Variants in SPAST observed in about 807,000 individuals in gnomAD.
SPAST encodes the protein spastic paraplegia 4 (autosomal dominant; spastin).
Under a neutral mutation model 76.6 loss-of-function variants are expected in SPAST, and 30 were observed. The observed-to-expected ratio is 0.39, with a 90% CI of 0.29 to 0.53. The LOEUF is 0.53. SPAST is among the 20% of genes least tolerant of loss of function. The pLI, the probability that SPAST is intolerant of heterozygous loss-of-function variation, is 0.68. For missense variants in SPAST, 717 were observed against 770.5 expected (o/e 0.93, Z 0.82); for synonymous variants, 305 against 281.0 (o/e 1.09, Z -0.86).
At chr2:32,136,761 ACTAT>A (rs1679549081) in intron 10 of SPAST, 112 bp from the exon 11 acceptor site, 1 of 1,205,440 alleles carries the variant, frequency 8.3e-7, no homozygotes, top group Non-Finnish European at 1.2e-6. Context: ...AAGCTTAAAG[ACTAT>A]CTAATGAATT....
intron 4 of SPAST, among the ~76,000 whole-genome samples, chr2:32,102,964 G>A (rs1407819333): frequency 6.6e-6 from 1 of 152,208 alleles, no homozygotes; most frequent in Non-Finnish European, 1.5e-5. Flanking sequence ...TTGGTATCAG[G>A]ATGATGCTGG....
intron 1 of SPAST, among the ~76,000 whole-genome samples, chr2:32,085,613 A>G (rs1677444283): frequency 1.3e-5 from 2 of 152,176 alleles, no homozygotes; most frequent in South Asian, 4.1e-4. Context: ...CTATAACATA[A>G]GAAATTGACC....
chr2:32,114,953 T>A (rs1678770069), intron 5 of SPAST, 128 bp downstream of exon 5: 1 of 653,878 alleles, frequency 1.5e-6, no homozygotes, highest in African/African-American at 2.4e-5. Flanking sequence ...TTCCATAAAG[T>A]TAAATTTTTT....
intron 14 of SPAST, 40 bp from the exon 15 acceptor site, chr2:32,144,897 G>A: frequency 1.4e-6 from 2 of 1,448,820 alleles, no homozygotes; most frequent in Non-Finnish European, 1.9e-6. Flanking sequence ...AAAAAAGCGG[G>A]AGGGGAAATA....
intron 5 of SPAST, 132 bp downstream of exon 5, chr2:32,114,957 ATTTTTTT>A (rs11399176): frequency 4.4e-6 from 2 of 459,486 alleles, no homozygotes; most frequent in Non-Finnish European, 3.8e-6. Context: ...ATAAAGTTAA[ATTTTTTT>A]TTTTTTTTTT....
intron 4 of SPAST, among the ~76,000 whole-genome samples, chr2:32,104,858 G>C (rs1032870533): frequency 6.6e-6 from 1 of 152,132 alleles, no homozygotes; most frequent in South Asian, 2.1e-4. Flanking sequence ...TGGGTAACCC[G>C]ACCTTTCTCT....
At chr2:32,068,967 T>A (rs1260727885) in intron 1 of SPAST, among the ~76,000 whole-genome samples, 1 of 151,730 alleles carries the variant, frequency 6.6e-6, no homozygotes, top group Non-Finnish European at 1.5e-5. Context: ...CCCAGCACTT[T>A]GGGAGGCAGA....
At chr2:32,144,817 G>C (rs1451213553) in intron 14 of SPAST, 120 bp from the exon 15 acceptor site, 1 of 692,740 alleles carries the variant, frequency 1.4e-6, no homozygotes, top group East Asian at 2.9e-5. Flanking sequence ...CCAGGAGGTG[G>C]AGATCACAGT....
At chr2:32,111,410 T>C in intron 4 of SPAST, among the ~76,000 whole-genome samples, 1 of 149,222 alleles carries the variant, frequency 6.7e-6, no homozygotes, top group South Asian at 2.1e-4. Context: ...ATATATAGTA[T>C]ACTGTATAGT....
At chr2:32,126,692 G>A in intron 7 of SPAST, 1 of 329,520 alleles carries the variant, frequency 3.0e-6, no homozygotes, top group Non-Finnish European at 5.5e-6. Context: ...CCCCTATGTT[G>A]CCCAAGCTGG....
chr2:32,137,341 A>G (rs1679573418), intron 12 of SPAST, among the ~76,000 whole-genome samples, 153 bp downstream of exon 12: 1 of 152,200 alleles, frequency 6.6e-6, no homozygotes, highest in African/African-American at 2.4e-5. Context: ...CAACTACATA[A>G]GGATTTTGAG....
intron 12 of SPAST, among the ~76,000 whole-genome samples, chr2:32,138,037 G>C (rs150969900): frequency 6.6e-6 from 1 of 152,044 alleles, no homozygotes; most frequent in East Asian, 1.9e-4. Flanking sequence ...TGGTGTGTAC[G>C]TACCACATTT....
chr2:32,126,740 G>T, intron 7 of SPAST: 1 of 504,844 alleles, frequency 2.0e-6, no homozygotes, highest in South Asian at 2.5e-5. Flanking sequence ...TCCTGTCTTT[G>T]CCCCCTAAAG....
chr2:32,092,330 A>C (rs1677755075), intron 3 of SPAST, among the ~76,000 whole-genome samples: 1 of 152,214 alleles, frequency 6.6e-6, no homozygotes, highest in Non-Finnish European at 1.5e-5. Context: ...TGATGGTTCT[A>C]ATTGGTACTT....
intron 7 of SPAST, among the ~76,000 whole-genome samples, chr2:32,118,655 AG>A (rs1220137666): frequency 6.6e-6 from 1 of 152,222 alleles, no homozygotes; most frequent in Non-Finnish European, 1.5e-5. Flanking sequence ...TAAAGAAACT[AG>A]TCCTAAGAGC....
In SPAST at chr2:32,156,037, TG is replaced by T. The variant is rs542086083; in HGVS notation, c.*1544del. 156 of 148,322 alleles carry T rather than the reference TG, an allele frequency of 1.1e-3. 3 individuals carry two copies. Among genetic ancestry groups the T allele is most frequent in the African/African-American group, 2.2e-3 (90 of 40,748 alleles). The allele number at this position is 148,322 out of a possible 1,614,324, so 9.2% of individuals were successfully genotyped here. On this transcript the variant is annotated 3_prime_UTR_variant, in exon 17 of 17. Transcript: ENST00000315285. ...TTGAATATAGAAGATGCATGATTTC[TG>T]GGTTTTTTTTTTTTTTTGAGACAGA...
intron 8 of SPAST, 56 bp from the exon 9 acceptor site, chr2:32,128,352 T>G: frequency 1.6e-6 from 2 of 1,220,248 alleles, no homozygotes; most frequent in South Asian, 2.5e-5. Flanking sequence ...AATATGGTTA[T>G]CTTTTAAATG....
intron 9 of SPAST, chr2:32,130,687 C>G (rs1210850879): frequency 6.7e-6 from 1 of 149,698 alleles, no homozygotes; most frequent in East Asian, 2.0e-4. Flanking sequence ...CCACTGCACT[C>G]CAGCCTGGGC....
rs1680257156 is a variant in SPAST at position 32,156,503 on chromosome 2, G to A, written c.*2007G>A. On this transcript the variant is annotated 3_prime_UTR_variant, in exon 17 of 17. Transcript: ENST00000315285. The stretch of plus-strand genomic sequence containing the variant: ...CAGAGCTATGCATATGTTAGGTGAT[G>A]GGTAGTATCCCTTTAAGGTCTCAAA... The A allele has an allele frequency of 6.6e-6, 1 of 151,974 alleles. No homozygotes were observed. The highest frequency in any genetic ancestry group is 1.5e-5 in the Non-Finnish European group (1 of 68,008). The allele number at this position is 151,974 out of a possible 1,614,324, so 9.4% of individuals were successfully genotyped here. A position where few individuals can be genotyped will look rare whatever the true frequency, so the allele number is the denominator to read the frequency against.
Sources: allele counts gnomAD v4.1 joint callset (sites outside exome capture counted in the v4.1 genomes callset), GRCh38; gene constraint gnomAD v4.1.1; transcripts MANE v1.5; gene names NCBI Gene and HGNC (gene_info 2026-07-23, HGNC 2026-07-21).